Variants in PIK3R1 observed in about 807,000 individuals in gnomAD.
The protein encoded by PIK3R1 is phosphatidylinositol 3-kinase regulatory subunit alpha.
A neutral mutation model predicts 98.0 loss-of-function variants in PIK3R1; 29 were observed. That is an observed-to-expected ratio of 0.30 (90% CI 0.22 to 0.40). The LOEUF is 0.40. Among genes scored for constraint, PIK3R1 ranks in the 10% least tolerant of loss-of-function variants. The probability of loss-of-function intolerance (pLI) is 1.00; values close to 1 mark genes in which losing one functional copy is unlikely to be tolerated. For synonymous variants in PIK3R1, 282 were observed against 311.8 expected (o/e 0.90, Z 1.01); for missense variants, 596 against 872.7 (o/e 0.68, Z 3.99).
intron 2 of PIK3R1, among the ~76,000 whole-genome samples, chr5:68,254,618 T>C (rs1310169554): frequency 6.6e-6 from 1 of 152,242 alleles, no homozygotes; most frequent in African/African-American, 2.4e-5. Flanking sequence ...ATTGGTTTGA[T>C]ATTAAAGTCA....
At chr5:68,282,082 A>G (rs1171925159) in intron 7 of PIK3R1, among the ~76,000 whole-genome samples, 1 of 152,146 alleles carries the variant, frequency 6.6e-6, no homozygotes, top group South Asian at 2.1e-4. Context: ...AGAGAGAGGT[A>G]TCCGGTATAG....
chr5:68,245,284 G>C (rs1344859001), intron 2 of PIK3R1, among the ~76,000 whole-genome samples: 1 of 151,972 alleles, frequency 6.6e-6, no homozygotes, highest in Non-Finnish European at 1.5e-5. Flanking sequence ...GTACGTCTTG[G>C]AAAGTTTAAG....
chr5:68,281,691 G>A (rs1403376767), intron 7 of PIK3R1, among the ~76,000 whole-genome samples: 1 of 152,126 alleles, frequency 6.6e-6, no homozygotes, highest in African/African-American at 2.4e-5. Context: ...TAGTAATTAG[G>A]GTACTATACG....
intron 2 of PIK3R1, among the ~76,000 whole-genome samples, chr5:68,256,404 G>A (rs1175802146): frequency 1.3e-5 from 2 of 151,996 alleles, no homozygotes; most frequent in Non-Finnish European, 2.9e-5. Flanking sequence ...TAATCTTTTT[G>A]TATTTTTAGT....
intron 1 of PIK3R1, 105 bp downstream of exon 1, chr5:68,216,054 C>A (rs1743858945): frequency 6.6e-6 from 1 of 152,240 alleles, no homozygotes; most frequent in South Asian, 2.1e-4. Context: ...AGCGGCTTCT[C>A]CTTCTGCAGA....
chr5:68,247,417 GCCT>G (rs1745141097), intron 2 of PIK3R1, among the ~76,000 whole-genome samples: 1 of 152,128 alleles, frequency 6.6e-6, no homozygotes, highest in Non-Finnish European at 1.5e-5. Flanking sequence ...TCCCGCCTCA[GCCT>G]CCTGAGTAGC....
chr5:68,219,776 A>C (rs1744030126), intron 1 of PIK3R1, among the ~76,000 whole-genome samples: 1 of 152,210 alleles, frequency 6.6e-6, no homozygotes, highest in African/African-American at 2.4e-5. Context: ...ATCCCTCATA[A>C]ATGTTTGTTC....
intron 7 of PIK3R1, among the ~76,000 whole-genome samples, chr5:68,282,652 T>C (rs1746899034): frequency 6.6e-6 from 1 of 152,182 alleles, no homozygotes; most frequent in South Asian, 2.1e-4. Flanking sequence ...TAAAAACGGG[T>C]ATCTGCACTA....
intron 14 of PIK3R1, 102 bp from the exon 15 acceptor site, chr5:68,296,045 TGGCCAGTCTGACTGGCTTGGTAGG>T: frequency 1.2e-6 from 1 of 840,822 alleles, no homozygotes; most frequent in Non-Finnish European, 1.9e-6. Context: ...AGGCATGTGA[TGGCCAGTCTGACTGGCTTGGTAGG>T]GGCCAGGAGG....
chr5:68,239,646 A>G (rs558218222), intron 2 of PIK3R1, among the ~76,000 whole-genome samples: 1 of 152,304 alleles, frequency 6.6e-6, no homozygotes, highest in Admixed American at 6.5e-5. Flanking sequence ...CTGTTGACCC[A>G]ATGCTCTTAA....
intron 2 of PIK3R1, among the ~76,000 whole-genome samples, chr5:68,267,379 G>A (rs769972436): frequency 1.1e-4 from 17 of 152,090 alleles, no homozygotes; most frequent in Non-Finnish European, 2.1e-4. Context: ...GAAATAAAAC[G>A]AATGGACAGA....
At chr5:68,227,877 A>T (rs1744339723) in intron 2 of PIK3R1, among the ~76,000 whole-genome samples, 1 of 152,212 alleles carries the variant, frequency 6.6e-6, no homozygotes, top group African/African-American at 2.4e-5. Flanking sequence ...CTTCATTCAA[A>T]AACCACTTAT....
At chr5:68,268,195 A>G (rs1270372335) in intron 2 of PIK3R1, among the ~76,000 whole-genome samples, 1 of 152,206 alleles carries the variant, frequency 6.6e-6, no homozygotes, top group African/African-American at 2.4e-5. Flanking sequence ...GAATTCAGTA[A>G]GTGGCAAAGC....
intron 2 of PIK3R1, among the ~76,000 whole-genome samples, chr5:68,241,386 T>TG (rs1482750878): frequency 3.1e-4 from 18 of 58,050 alleles, no homozygotes; most frequent in Non-Finnish European, 4.5e-4. Flanking sequence ...ACAATTTTTT[T>TG]TGTTTTTTTT....
At chr5:68,230,448 T>G (rs1280742742) in intron 2 of PIK3R1, among the ~76,000 whole-genome samples, 1 of 152,226 alleles carries the variant, frequency 6.6e-6, no homozygotes, top group Non-Finnish European at 1.5e-5. Flanking sequence ...GCATTGCTTT[T>G]GAAATTGACC....
chr5:68,279,662 G>T lies in PIK3R1; in HGVS notation c.563G>T (p.Arg188Leu). ...CACGTTTTGGCTGACGCTTTCAAAC[G>T]CTATCTCCTGGACTTACCAAATCCT... Reference protein sequence around the residue: ...DVHVLADAFKRYLLDLPNPVI... With the variant: ...DVHVLADAFKLYLLDLPNPVI... Residue 188 changes from arginine (R) to leucine (L), a missense_variant, in exon 5 of 16, where the codon CGC becomes CTC. By Grantham distance (102) the Arg-to-Leu change is moderately radical. Transcript: ENST00000521381. 10 of 1,613,860 alleles carry T rather than the reference G, an allele frequency of 6.2e-6. No homozygotes were observed. The highest frequency in any genetic ancestry group is 8.5e-6 in the Non-Finnish European group (10 of 1,179,772).
rs184402750 is a variant in PIK3R1 at position 68,299,580 on chromosome 5, A to G, written c.*1979A>G. 1 of 233,266 alleles carries G rather than the reference A, an allele frequency of 4.3e-6. No individual in the cohort carries two copies. Among genetic ancestry groups the G allele is most frequent in the East Asian group, 6.0e-5 (1 of 16,570 alleles). 14.4% of individuals were successfully genotyped at this position (233,266 alleles called of 1,614,324 possible). On this transcript the variant is annotated 3_prime_UTR_variant, in exon 16 of 16. Coordinates refer to ENST00000521381, the MANE Select transcript of PIK3R1 (RefSeq NM_181523.3). ...GGCATAAAGACTAATTAGCAACCAT[A>G]ATATGGTCACTACCCTAATAGACTA...
chr5:68,250,417 A>G (rs1444515560), intron 2 of PIK3R1, among the ~76,000 whole-genome samples: 21 of 152,182 alleles, frequency 1.4e-4, no homozygotes, highest in Admixed American at 1.4e-3. Context: ...GACATCAGTG[A>G]TGAAAGTCAG....
At chr5:68,236,586 G>A (rs1381769505) in intron 2 of PIK3R1, among the ~76,000 whole-genome samples, 1 of 152,198 alleles carries the variant, frequency 6.6e-6, no homozygotes, top group Non-Finnish European at 1.5e-5. Flanking sequence ...TGAAGGTCAT[G>A]TGATTGTGTA....
Sources: allele counts gnomAD v4.1 joint callset (sites outside exome capture counted in the v4.1 genomes callset), GRCh38; gene constraint gnomAD v4.1.1; transcripts MANE v1.5; gene names NCBI Gene and HGNC (gene_info 2026-07-23, HGNC 2026-07-21).